Variants in SGCD observed in about 807,000 individuals in gnomAD.
The protein encoded by SGCD is sarcoglycan delta, also known as delta-sarcoglycan.
SGCD carries 18 observed loss-of-function variants against 36.6 expected under a neutral mutation model. The observed-to-expected ratio is 0.49, with a 90% CI of 0.34 to 0.73. SGCD has a LOEUF of 0.73. Ranked by LOEUF, SGCD falls within the 30% of genes least tolerant of loss-of-function variation. The pLI is 0.01. For synonymous variants in SGCD, 133 were observed against 130.6 expected (o/e 1.02, Z -0.12); for missense variants, 387 against 346.7 (o/e 1.12, Z -0.92).
chr5:155,926,794 G>T, intron 1 of SGCD, among the ~76,000 whole-genome samples: 1 of 151,970 alleles, frequency 6.6e-6, no homozygotes, highest in East Asian at 1.9e-4. Flanking sequence ...ATATAGTAAT[G>T]GTGGGAAGAA....
At chr5:156,389,611 C>G (rs1194928331) in intron 3 of SGCD, among the ~76,000 whole-genome samples, 1 of 152,040 alleles carries the variant, frequency 6.6e-6, no homozygotes, top group African/African-American at 2.4e-5. Flanking sequence ...ATGAAACTGT[C>G]CCACTGATCT....
At chr5:156,458,226 A>G (rs1485751861) in intron 3 of SGCD, among the ~76,000 whole-genome samples, 1 of 151,988 alleles carries the variant, frequency 6.6e-6, no homozygotes, top group Non-Finnish European at 1.5e-5. Context: ...CATAAGGACA[A>G]CTCTATGTAC....
Position 156,456,555 on chromosome 5 carries a change from C to G in SGCD, c.193-52046C>G, listed in dbSNP as rs1387249785. Reference sequence around the variant, plus strand: ...GATTTCTAAGAAAGAGTTTAGAAGTCTCAGCCTGGTGTCTCCTTGCTGCCT... The same window carrying G: ...GATTTCTAAGAAAGAGTTTAGAAGTGTCAGCCTGGTGTCTCCTTGCTGCCT... On this transcript the variant is annotated intron_variant, in intron 3 of 8. Transcript: ENST00000337851. 2.6e-5 allele frequency among the ~76,000 whole-genome samples: 4 copies of G among 152,276 alleles called. No individual in the cohort carries two copies. In the East Asian group the frequency reaches 7.7e-4, roughly 29 times the overall value.
chr5:156,129,472 G>A (rs1226405021), intron 3 of SGCD, among the ~76,000 whole-genome samples: 1 of 152,150 alleles, frequency 6.6e-6, no homozygotes, highest in Non-Finnish European at 1.5e-5. Context: ...AAGTGCCTAT[G>A]ACCCCATCTT....
At chr5:156,703,978 T>C (rs866110542) in intron 7 of SGCD, 2 of 152,150 alleles carry the variant, frequency 1.3e-5, no homozygotes, top group African/African-American at 4.8e-5. Context: ...TAGACACTTA[T>C]CAGTGAGAAC....
At chr5:155,866,431 T>C (rs1204985416), upstream of SGCD, among the ~76,000 whole-genome samples, 1 of 152,188 alleles carries the variant, frequency 6.6e-6, no homozygotes, top group Non-Finnish European at 1.5e-5. Context: ...AAAAATGGTT[T>C]TGTTGTTCCA....
At chr5:155,911,317 G>GTATATA (rs201548921) in intron 1 of SGCD, among the ~76,000 whole-genome samples, 1 of 121,606 alleles carries the variant, frequency 8.2e-6, no homozygotes, top group African/African-American at 3.1e-5. Flanking sequence ...GTGTGTGTGT[G>GTATATA]TGTATATATA....
intron 4 of SGCD, among the ~76,000 whole-genome samples, chr5:156,510,189 A>G (rs1266173711): frequency 6.6e-6 from 1 of 152,214 alleles, no homozygotes; most frequent in African/African-American, 2.4e-5. Context: ...TAGCCATACA[A>G]TGATTATTTA....
chr5:156,027,788 GATA>G (rs1370890982), intron 1 of SGCD, among the ~76,000 whole-genome samples: 1 of 152,124 alleles, frequency 6.6e-6, no homozygotes, highest in African/African-American at 2.4e-5. Context: ...ATATTTATTT[GATA>G]ATAAATTTGG....
chr5:156,106,855 T>G (rs912701671), intron 1 of SGCD, among the ~76,000 whole-genome samples: 6 of 152,186 alleles, frequency 3.9e-5, no homozygotes, highest in African/African-American at 1.4e-4. Flanking sequence ...CTTTAATTTG[T>G]TGAGTCTCTA....
At chr5:155,844,944 G>A in the SGCD span, among the ~76,000 whole-genome samples, 1 of 152,016 alleles carries the variant, frequency 6.6e-6, no homozygotes, top group Admixed American at 6.6e-5. Context: ...TTGTTACATA[G>A]GTATACACAT....
intron 4 of SGCD, among the ~76,000 whole-genome samples, chr5:156,521,280 G>A (rs931605977): frequency 9.2e-5 from 14 of 152,100 alleles, no homozygotes; most frequent in Admixed American, 4.6e-4. Flanking sequence ...TACCATTCAG[G>A]ACGTAGGCAT....
chr5:155,796,806 C>CAAAAAAA, the SGCD span, among the ~76,000 whole-genome samples: 109 of 51,312 alleles, frequency 2.1e-3, 4 homozygotes, highest in Non-Finnish European at 2.7e-3. Flanking sequence ...AACTCCATCT[C>CAAAAAAA]AAAAAAAAAA....
At chr5:156,653,591 T>C (rs1471291253) in intron 7 of SGCD, among the ~76,000 whole-genome samples, 2 of 149,090 alleles carry the variant, frequency 1.3e-5, no homozygotes, top group Non-Finnish European at 3.0e-5. Flanking sequence ...CCTTTTGAAA[T>C]TTTTTAAAAT....
At chr5:156,640,634 AT>A in intron 6 of SGCD, among the ~76,000 whole-genome samples, 1 of 152,204 alleles carries the variant, frequency 6.6e-6, no homozygotes, top group African/African-American at 2.4e-5. Flanking sequence ...GCATTTTTAA[AT>A]TTTTTTCTTA....
intron 3 of SGCD, among the ~76,000 whole-genome samples, chr5:156,503,970 G>A (rs1468203020): frequency 6.6e-6 from 1 of 152,034 alleles, no homozygotes; most frequent in Non-Finnish European, 1.5e-5. Context: ...TTGGGAGGCT[G>A]AGGCAGGTGG....
chr5:156,632,123 A>C (rs1258145610), intron 6 of SGCD, among the ~76,000 whole-genome samples: 2 of 152,186 alleles, frequency 1.3e-5, no homozygotes, highest in Non-Finnish European at 2.9e-5. Context: ...TTCAGCAGAC[A>C]TTATCTCAGA....
intron 1 of SGCD, among the ~76,000 whole-genome samples, chr5:156,012,294 C>A (rs1581041109): frequency 6.6e-6 from 1 of 152,274 alleles, no homozygotes. Flanking sequence ...GACTCCATAT[C>A]CTATCTTACA....
intron 3 of SGCD, among the ~76,000 whole-genome samples, chr5:156,225,566 A>C (rs1764833475): frequency 6.6e-6 from 1 of 152,144 alleles, no homozygotes; most frequent in Non-Finnish European, 1.5e-5. Flanking sequence ...AGGGCCACTT[A>C]GTCAGCATCC....
Sources: allele counts gnomAD v4.1 joint callset (sites outside exome capture counted in the v4.1 genomes callset), GRCh38; gene constraint gnomAD v4.1.1; transcripts MANE v1.5; gene names NCBI Gene and HGNC (gene_info 2026-07-23, HGNC 2026-07-21).